The following RELCH variants were observed in gnomAD, a reference collection of about 807,000 sequenced individuals.
RELCH encodes RAB11-binding protein RELCH.
RELCH carries 41 observed loss-of-function variants against 150.3 expected under a neutral mutation model. The observed-to-expected ratio is 0.27, with a 90% CI of 0.21 to 0.35. The LOEUF is 0.35. Among genes scored for constraint, RELCH ranks in the 10% least tolerant of loss-of-function variants. The probability of loss-of-function intolerance (pLI) is 1.00; values close to 1 mark genes in which losing one functional copy is unlikely to be tolerated. For missense variants in RELCH, 1,092 were observed against 1,467.8 expected (o/e 0.74, Z 4.18); for synonymous variants, 478 against 531.8 (o/e 0.90, Z 1.39).
chr18:62,227,910 A>G (rs1208565796), intron 7 of RELCH, among the ~76,000 whole-genome samples: 2 of 152,140 alleles, frequency 1.3e-5, no homozygotes, highest in Non-Finnish European at 2.9e-5. Context: ...CTTACAATCA[A>G]TTATGTCTTG....
intron 1 of RELCH, among the ~76,000 whole-genome samples, chr18:62,198,760 T>C (rs2039220571): frequency 6.6e-6 from 1 of 152,174 alleles, no homozygotes; most frequent in African/African-American, 2.4e-5. Flanking sequence ...TGCTTCCTCC[T>C]GTCCGAAGCA....
intron 10 of RELCH, among the ~76,000 whole-genome samples, chr18:62,233,916 A>G (rs1488122599): frequency 6.6e-5 from 10 of 151,996 alleles, no homozygotes; most frequent in Non-Finnish European, 1.2e-4. Context: ...TTATACATAC[A>G]GATTATCTAC....
intron 24 of RELCH, 79 bp from the exon 25 acceptor site, chr18:62,282,227 T>G (rs2044552917): frequency 8.0e-7 from 1 of 1,247,220 alleles, no homozygotes; most frequent in African/African-American, 1.5e-5. Context: ...AAGTCATGTT[T>G]AATGTGTGTC....
intron 10 of RELCH, among the ~76,000 whole-genome samples, 175 bp from the exon 11 acceptor site, chr18:62,244,589 T>G (rs1568370564): frequency 6.6e-6 from 1 of 152,200 alleles, no homozygotes; most frequent in Non-Finnish European, 1.5e-5. Context: ...AACCAACACA[T>G]AAACGTTTTA....
chr18:62,258,013 T>G lies in RELCH; in HGVS notation c.1962T>G (p.Asp654Glu). 4.4e-6 allele frequency: 7 copies of G among 1,608,542 alleles called. No homozygotes were observed. The highest frequency in any genetic ancestry group is 5.9e-6 in the Non-Finnish European group (7 of 1,176,970). The stretch of plus-strand genomic sequence containing the variant: ...AAATGTTAATGGAAGATAAGGCAGA[T>G]TTGGTAAGAGAAGCTGTTATCAAAA... ...LQQMLMEDKA[D>E]LVREAVIKSL... Residue 654 changes from aspartate (D) to glutamate (E), a missense_variant, in exon 14 of 29, where the codon GAT becomes GAG. Transcript: ENST00000644646.
At chr18:62,230,520 C>T (rs1407784815) in intron 8 of RELCH, among the ~76,000 whole-genome samples, 1 of 152,046 alleles carries the variant, frequency 6.6e-6, no homozygotes, top group Non-Finnish European at 1.5e-5. Flanking sequence ...AGATTTAAGA[C>T]ATAAAGTACA....
At chr18:62,205,808 C>T (rs1035459239) in intron 1 of RELCH, among the ~76,000 whole-genome samples, 2 of 152,090 alleles carry the variant, frequency 1.3e-5, no homozygotes, top group Non-Finnish European at 1.5e-5. Context: ...GAGGATTGCT[C>T]GAACCCAGGA....
chr18:62,211,202 T>C lies in RELCH; in HGVS notation c.576T>C (p.Tyr192=). The change falls in exon 2 of 29, where the codon TAT becomes TAC. Residue 192 remains tyrosine, a synonymous_variant. Transcript: ENST00000644646. Reference sequence around the variant, plus strand: ...TTGATTCTTTAGACTTTGCAAGATATTCAGATGATGGTAACAGGGAAACAG... The same window carrying C: ...TTGATTCTTTAGACTTTGCAAGATACTCAGATGATGGTAACAGGGAAACAG... ...STLDSLDFAR[Y]SDDGNRETDE... is the part of the protein sequence containing the mutation. The C allele has an allele frequency of 1.2e-6, 2 of 1,610,504 alleles. No individual in the cohort carries two copies. Among genetic ancestry groups the C allele is most frequent in the Non-Finnish European group, 1.7e-6 (2 of 1,177,152 alleles).
chr18:62,187,682 T>G lies in RELCH; in HGVS notation c.177T>G (p.Asp59Glu). 1.3e-6 allele frequency: 2 copies of G among 1,580,690 alleles called. No homozygotes were observed. The highest frequency in any genetic ancestry group is 1.7e-6 in the Non-Finnish European group (2 of 1,159,604). Residue 59 changes from aspartate (D) to glutamate (E), a missense_variant, in exon 1 of 29, where the codon GAT becomes GAG. Physicochemically the swap from Asp to Glu is conservative, Grantham distance 45 (BLOSUM62 2). Transcript: ENST00000644646. ...PGSAGSLSPQDPVALGSSARP... is the reference protein window; with the variant it reads ...PGSAGSLSPQEPVALGSSARP... ...CTGCGGGCTCGCTGTCGCCACAGGA[T>G]CCCGTGGCCTTAGGAAGCAGTGCGC...
At chr18:62,213,552 A>G (rs2040298902) in intron 2 of RELCH, among the ~76,000 whole-genome samples, 1 of 152,148 alleles carries the variant, frequency 6.6e-6, no homozygotes, top group African/African-American at 2.4e-5. Context: ...CAATATGGTG[A>G]AACCCCATCT....
intron 2 of RELCH, among the ~76,000 whole-genome samples, chr18:62,211,862 G>GCT (rs573789960): frequency 2.0e-3 from 302 of 152,230 alleles, no homozygotes; most frequent in Non-Finnish European, 2.9e-4. Context: ...TTCCCTGAGT[G>GCT]CTCACCAACC....
intron 2 of RELCH, among the ~76,000 whole-genome samples, chr18:62,211,912 T>C (rs1381485481): frequency 6.6e-6 from 1 of 152,038 alleles, no homozygotes; most frequent in African/African-American, 2.4e-5. Flanking sequence ...TTTGCTATGA[T>C]CCAAAAAAAA....
In RELCH at chr18:62,257,950, A is replaced by G; in HGVS notation, c.1899A>G (p.Lys633=). 1 of 1,587,394 alleles carries G rather than the reference A, an allele frequency of 6.3e-7. No individual in the cohort carries two copies. The highest frequency in any genetic ancestry group is 8.6e-7 in the Non-Finnish European group (1 of 1,169,562). ...SCGALAPYLP[K]EIRSSLVLSM... ...AGTAAAAACATGTTTATTTTCAGAAAGAAATCCGTAGCTCCTTGGTTCTTT... is the reference window on the plus strand; with the variant it reads ...AGTAAAAACATGTTTATTTTCAGAAGGAAATCCGTAGCTCCTTGGTTCTTT... The change falls in exon 14 of 29, where the codon AAA becomes AAG. Residue 633 remains lysine (K), a splice_region_variant and synonymous_variant. Coordinates refer to ENST00000644646, the MANE Select transcript of RELCH (RefSeq NM_001346231.2).
At chr18:62,207,919 A>G (rs887943447) in intron 1 of RELCH, among the ~76,000 whole-genome samples, 2 of 152,236 alleles carry the variant, frequency 1.3e-5, no homozygotes, top group Non-Finnish European at 2.9e-5. Flanking sequence ...GTATATAGCC[A>G]TGTAGCCTTA....
intron 10 of RELCH, among the ~76,000 whole-genome samples, chr18:62,240,726 C>A (rs1269939774): frequency 1.3e-5 from 2 of 152,124 alleles, no homozygotes; most frequent in African/African-American, 4.8e-5. Context: ...CATAGACACT[C>A]TGTTAAATAT....
Position 62,268,881 on chromosome 18 carries a change from G to T in RELCH, c.2693G>T (p.Gly898Val). 1 of 1,521,284 alleles carries T rather than the reference G, an allele frequency of 6.6e-7. No homozygotes were observed. The highest frequency in any genetic ancestry group is 8.9e-7 in the Non-Finnish European group (1 of 1,124,018). The allele number at this position is 1,521,284 out of a possible 1,614,324, so 94.2% of individuals were successfully genotyped here. Residue 898 changes from glycine to valine, a missense_variant, in exon 20 of 29, where the codon GGA (glycine) becomes GTA (valine). Physicochemically the swap from Gly to Val is moderately radical, Grantham distance 109. Around this residue, in one of 4 missense-constraint regions of RELCH, gnomAD observed 707 missense variants for 1,025.4 expected, o/e 0.69. Transcript: ENST00000644646. ...LSEENIDSSA[G>V]NGVLTKATVP... ...TTAATAATTTTAGATTCCTCAGCAG[G>T]AAATGGGGTCCTCACTAAAGCTACA...
rs747806898 is a variant in RELCH, at chr18:62,187,497, C to CA, written c.-8dup. 2 of 1,511,564 alleles carry CA rather than the reference C, an allele frequency of 1.3e-6. No homozygotes were observed. Among genetic ancestry groups the CA allele is most frequent in the Non-Finnish European group, 1.8e-6 (2 of 1,130,870 alleles). 93.6% of individuals were successfully genotyped at this position (1,511,564 alleles called of 1,614,324 possible). ...GTCAGGGAGGCGCCCACACTCCTGA[C>CA]AGGATAAGATGGCGGCGATGGCGCC... is the stretch of plus-strand genomic sequence containing the variant. On this transcript the variant is annotated 5_prime_UTR_variant, in exon 1 of 29. Transcript: ENST00000644646.
At position 62,232,402 on chromosome 18, in the gene RELCH, C is replaced by G; in HGVS notation, c.1595C>G (p.Pro532Arg). The G allele has an allele frequency of 6.2e-7, 1 of 1,608,586 alleles. No homozygotes were observed. Among genetic ancestry groups the G allele is most frequent in the Non-Finnish European group, 8.5e-7 (1 of 1,175,736 alleles). Residue 532 changes from proline (P) to arginine (R), a missense_variant, in exon 10 of 29, where the codon CCC (proline) becomes CGC (arginine). Transcript: ENST00000644646. ...MLGRCLPHIV[P>R]NVLLAKREEL... is the part of the protein sequence containing the mutation. Reference sequence around the variant, plus strand: ...GGACGCTGCCTGCCACACATTGTTCCCAATGTGCTATTGGCAAAGAGAGAG... The same window carrying G: ...GGACGCTGCCTGCCACACATTGTTCGCAATGTGCTATTGGCAAAGAGAGAG...
chr18:62,228,202 T>C lies in RELCH; in HGVS notation c.1155-103T>C, dbSNP rs2041333001. 3.1e-6 allele frequency: 3 copies of C among 954,858 alleles called. No individual in the cohort carries two copies. In the East Asian group the frequency reaches 7.4e-5, roughly 23 times the overall value. 59.1% of individuals were successfully genotyped at this position (954,858 alleles called of 1,614,324 possible). A position where few individuals can be genotyped will look rare whatever the true frequency, so the allele number is the denominator to read the frequency against. On this transcript the variant is annotated intron_variant, in intron 7 of 28. Coordinates refer to ENST00000644646, the MANE Select transcript of RELCH (RefSeq NM_001346231.2). ...CTTGCCAATCATTTGCTACTAATAC[T>C]TTTAAATATGCTTTTAAAACATTAA...
Sources: allele counts gnomAD v4.1 joint callset (sites outside exome capture counted in the v4.1 genomes callset), GRCh38; gene constraint gnomAD v4.1.1; regional missense constraint gnomAD v4.1.1; transcripts MANE v1.5; gene names NCBI Gene and HGNC (gene_info 2026-07-23, HGNC 2026-07-21).